The following SPTLC3 variants were observed in gnomAD, a reference collection of about 807,000 sequenced individuals.
SPTLC3 encodes the protein serine palmitoyltransferase long chain base subunit 3.
SPTLC3 carries 36 observed loss-of-function variants against 59.3 expected under a neutral mutation model. The ratio of observed to expected loss-of-function variants is 0.61; its 90% CI spans 0.47 to 0.80. The LOEUF is 0.80. Ranked by LOEUF, SPTLC3 falls within the 30% of genes least tolerant of loss-of-function variation. SPTLC3 has a pLI of 0.00. For missense variants in SPTLC3, 625 were observed against 685.1 expected, an observed-to-expected ratio of 0.91 and a Z score of 0.98; for synonymous variants, 257 against 240.8, an observed-to-expected ratio of 1.07 and a Z score of -0.62.
chr20:13,074,430 T>C lies in SPTLC3; in HGVS notation c.540T>C (p.Ser180=), dbSNP rs1988565457. The C allele has an allele frequency of 1.2e-6, 2 of 1,613,970 alleles. No homozygotes were observed. The highest frequency in any genetic ancestry group is 4.5e-5 in the East Asian group (2 of 44,874). Residue 180 remains serine (S), a synonymous_variant, in exon 4 of 12, where the codon TCT becomes TCC. Transcript: ENST00000399002. The part of the protein sequence containing the change: ...FLGLAAKYDE[S]MRTIKDVLEV... ...GTCTTGCAGCCAAGTATGATGAGTC[T>C]ATGAGGACAATAAAGGATGTTTTAG...
chr20:13,107,956 C>T (rs993952547), intron 6 of SPTLC3, among the ~76,000 whole-genome samples: 5 of 151,592 alleles, frequency 3.3e-5, no homozygotes, highest in Non-Finnish European at 7.4e-5. Flanking sequence ...GTGATGTTTT[C>T]TTAAGGATGT....
intron 2 of SPTLC3, among the ~76,000 whole-genome samples, chr20:13,057,485 C>T (rs1050689617): frequency 2.0e-5 from 3 of 152,138 alleles, no homozygotes; most frequent in East Asian, 3.8e-4. Flanking sequence ...TTCAAATTAA[C>T]GTGTTGTCCA....
intron 3 of SPTLC3, 171 bp from the exon 4 acceptor site, chr20:13,074,178 C>G: frequency 1.1e-6 from 1 of 893,166 alleles, no homozygotes; most frequent in Non-Finnish European, 1.9e-6. Flanking sequence ...CTAGGACAGA[C>G]TGAACCACCT....
intron 1 of SPTLC3, among the ~76,000 whole-genome samples, chr20:13,021,170 T>G (rs1423677738): frequency 6.6e-6 from 1 of 152,196 alleles, no homozygotes; most frequent in Non-Finnish European, 1.5e-5. Flanking sequence ...TTCCAGGGTA[T>G]TACACTCTTG....
At chr20:13,050,499 G>A (rs1369097441) in intron 2 of SPTLC3, 1 of 152,140 alleles carries the variant, frequency 6.6e-6, no homozygotes, top group Non-Finnish European at 1.5e-5. Flanking sequence ...CTAAAAGCCT[G>A]GAAAACATAT....
chr20:13,094,482 C>A (rs1989344181), intron 6 of SPTLC3, among the ~76,000 whole-genome samples: 2 of 152,166 alleles, frequency 1.3e-5, no homozygotes, highest in Admixed American at 1.3e-4. Flanking sequence ...CTCCTGCCTT[C>A]CCTTCCCCTT....
intron 4 of SPTLC3, among the ~76,000 whole-genome samples, chr20:13,083,399 C>A (rs746603246): frequency 6.6e-6 from 1 of 152,130 alleles, no homozygotes; most frequent in African/African-American, 2.4e-5. Context: ...ACATAGGGGC[C>A]TATGTATTAA....
At chr20:13,159,785 A>G (rs955718216) in intron 10 of SPTLC3, among the ~76,000 whole-genome samples, 7 of 152,166 alleles carry the variant, frequency 4.6e-5, no homozygotes, top group Non-Finnish European at 1.5e-5. Flanking sequence ...AATACCACAC[A>G]CACACCATCA....
intron 7 of SPTLC3, among the ~76,000 whole-genome samples, chr20:13,111,804 G>T (rs191097481): frequency 5.9e-5 from 9 of 152,292 alleles, no homozygotes; most frequent in African/African-American, 1.7e-4. Context: ...ATAGAACTTG[G>T]CTCCAGTAAA....
At chr20:13,025,994 C>G (rs890882917) in intron 1 of SPTLC3, among the ~76,000 whole-genome samples, 5 of 152,122 alleles carry the variant, frequency 3.3e-5, no homozygotes, top group African/African-American at 1.2e-4. Context: ...TTTTCTCTTC[C>G]TGCATTAGTT....
chr20:13,104,064 A>C (rs968006747), intron 6 of SPTLC3, among the ~76,000 whole-genome samples: 1 of 152,190 alleles, frequency 6.6e-6, no homozygotes, highest in Non-Finnish European at 1.5e-5. Flanking sequence ...TTGTCACCTA[A>C]GCCTGATTGT....
At chr20:13,138,773 T>C (rs1462745931) in intron 9 of SPTLC3, among the ~76,000 whole-genome samples, 3 of 152,330 alleles carry the variant, frequency 2.0e-5, no homozygotes, top group Middle Eastern at 3.4e-3. Context: ...CATGGTTTTA[T>C]ATAACATACA....
intron 4 of SPTLC3, among the ~76,000 whole-genome samples, chr20:13,084,184 T>C (rs938004332): frequency 6.6e-5 from 10 of 152,168 alleles, no homozygotes; most frequent in Non-Finnish European, 1.5e-5. Flanking sequence ...GGACCCTGTA[T>C]CATGAACCTC....
intron 7 of SPTLC3, among the ~76,000 whole-genome samples, chr20:13,112,952 G>C (rs1462144850): frequency 6.6e-6 from 1 of 152,284 alleles, no homozygotes; most frequent in East Asian, 1.9e-4. Flanking sequence ...GGAGACCAAG[G>C]CAGGTGGATT....
rs1338343669 is a variant in SPTLC3 at position 13,021,548 on chromosome 20, C to CA, written c.117+12164_117+12165insA. ...CACCTCCCCCCACCACAACAGCCCC[C>CA]CCACCAATCCCCCGCCACCATCCCC... On this transcript the variant is annotated intron_variant, in intron 1 of 11. Coordinates refer to ENST00000399002, the MANE Select transcript of SPTLC3 (RefSeq NM_018327.4). Among the ~76,000 whole-genome samples, 325 of 144,916 alleles carry CA rather than the reference C, an allele frequency of 2.2e-3. 2 individuals carry two copies. The highest frequency in any genetic ancestry group is 7.7e-3 in the African/African-American group (302 of 38,978).
intron 1 of SPTLC3, among the ~76,000 whole-genome samples, chr20:13,020,817 G>A (rs963208006): frequency 2.0e-5 from 3 of 152,018 alleles, no homozygotes; most frequent in Non-Finnish European, 1.5e-5. Flanking sequence ...ATATTAGGAA[G>A]GTAACTTTAT....
intron 9 of SPTLC3, among the ~76,000 whole-genome samples, chr20:13,143,278 A>G (rs1432650452): frequency 1.3e-5 from 2 of 152,180 alleles, no homozygotes; most frequent in African/African-American, 4.8e-5. Flanking sequence ...CAGTGAGTCC[A>G]GTCTTTGGTT....
intron 9 of SPTLC3, among the ~76,000 whole-genome samples, chr20:13,138,569 A>G (rs2038307214): frequency 6.6e-6 from 1 of 152,238 alleles, no homozygotes; most frequent in Non-Finnish European, 1.5e-5. Flanking sequence ...GGCACCGAAC[A>G]CTATACTTGG....
At chr20:13,081,643 A>G (rs1988845279) in intron 4 of SPTLC3, among the ~76,000 whole-genome samples, 1 of 152,200 alleles carries the variant, frequency 6.6e-6, no homozygotes, top group African/African-American at 2.4e-5. Flanking sequence ...ATTTTAATTA[A>G]CATATTTTTA....
Sources: gnomAD v4.1 joint callset for allele counts (sites outside exome capture counted in the v4.1 genomes callset) on GRCh38, gnomAD v4.1.1 for gene constraint, MANE v1.5 for transcripts, NCBI Gene and HGNC (gene_info 2026-07-23, HGNC 2026-07-21) for gene names.